Variants in NRXN3 observed in about 807,000 individuals in gnomAD.
NRXN3 encodes the protein neurexin III.
Under a neutral mutation model 137.6 loss-of-function variants are expected in NRXN3, and 32 were observed. That is an observed-to-expected ratio of 0.23 (90% CI 0.18 to 0.31). The LOEUF is 0.31. NRXN3 is among the 10% of genes least tolerant of loss of function. NRXN3 has a pLI of 1.00. For missense variants in NRXN3, 1,574 were observed against 2,062.5 expected, an observed-to-expected ratio of 0.76 and a Z score of 4.59; for synonymous variants, 798 against 784.5, an observed-to-expected ratio of 1.02 and a Z score of -0.29.
chr14:78,298,009 GT>G lies in NRXN3; in HGVS notation c.757+150del, dbSNP rs2076517140. On this transcript the variant is annotated intron_variant, in intron 4 of 20. Transcript: ENST00000335750. ...AGGCTGGCTGCAGGACCACCCTGCA[GT>G]GGGGGTGGGGGCACCTTCCTTGATG... The G allele has an allele frequency of 6.4e-6, 5 of 781,564 alleles. No homozygotes were observed. The South Asian group carries it at 9.2e-5, about 14-fold the overall frequency. The allele number at this position is 781,564 out of a possible 1,614,324, so 48.4% of individuals were successfully genotyped here.
chr14:79,533,432 C>T (rs1452608902), intron 16 of NRXN3, among the ~76,000 whole-genome samples: 3 of 152,072 alleles, frequency 2.0e-5, no homozygotes, highest in African/African-American at 4.8e-5. Flanking sequence ...TTTTGACTAC[C>T]GACAGTTATG....
rs189693692 is a variant in NRXN3 at position 79,087,715 on chromosome 14, A to T, written c.3262+99574A>T. 5.0e-4 allele frequency among the ~76,000 whole-genome samples: 76 copies of T among 152,216 alleles called. No individual in the cohort carries two copies. The East Asian group carries it at 0.013, about 27-fold the overall frequency. Reference sequence around the variant, plus strand: ...TACAGTTCCATTTAACCCAATCAAAACCAATGCTCCCCTTTCCCTCACATC... The same window carrying T: ...TACAGTTCCATTTAACCCAATCAAATCCAATGCTCCCCTTTCCCTCACATC... On this transcript the variant is annotated intron_variant, in intron 15 of 20. Coordinates refer to ENST00000335750, the MANE Select transcript of NRXN3 (RefSeq NM_001330195.2).
chr14:78,957,840 A>C (rs1399164124), intron 11 of NRXN3, among the ~76,000 whole-genome samples: 4 of 152,240 alleles, frequency 2.6e-5, no homozygotes, highest in Non-Finnish European at 5.9e-5. Flanking sequence ...GTTTGGTTTA[A>C]TTAATTACTT....
At chr14:78,900,375 A>G (rs2099191801) in intron 10 of NRXN3, among the ~76,000 whole-genome samples, 1 of 151,584 alleles carries the variant, frequency 6.6e-6, no homozygotes, top group South Asian at 2.1e-4. Context: ...GGTCCTGTTT[A>G]GGTCCTGTTT....
intron 8 of NRXN3, among the ~76,000 whole-genome samples, chr14:78,728,908 C>A (rs1260267041): frequency 2.0e-5 from 3 of 152,076 alleles, no homozygotes; most frequent in Non-Finnish European, 2.9e-5. Flanking sequence ...CAAAAACAAA[C>A]AAACAAACAA....
intron 15 of NRXN3, among the ~76,000 whole-genome samples, chr14:79,323,823 A>G (rs909052738): frequency 6.6e-6 from 1 of 152,180 alleles, no homozygotes; most frequent in Non-Finnish European, 1.5e-5. Context: ...GCGCCACTGC[A>G]CTACAGCCTG....
intron 19 of NRXN3, among the ~76,000 whole-genome samples, chr14:79,737,107 T>C (rs903521568): frequency 2.0e-5 from 3 of 152,262 alleles, no homozygotes. Context: ...CATATATTAT[T>C]CCTTTCCTCA....
chr14:79,042,302 A>G (rs12887604), intron 15 of NRXN3, among the ~76,000 whole-genome samples: 7,353 of 152,300 alleles, frequency 0.048, 652 homozygotes, highest in East Asian at 0.44. Flanking sequence ...AGCAGTAAAC[A>G]CGTTAAGCAA....
intron 10 of NRXN3, among the ~76,000 whole-genome samples, chr14:78,919,010 A>G (rs910234117): frequency 4.3e-4 from 65 of 152,344 alleles, no homozygotes; most frequent in African/African-American, 1.4e-3. Flanking sequence ...TTCCACCAAG[A>G]GAAAGCATGT....
At chr14:79,425,956 AAGAG>A (rs1224050174) in intron 15 of NRXN3, among the ~76,000 whole-genome samples, 5 of 152,068 alleles carry the variant, frequency 3.3e-5, no homozygotes, top group East Asian at 3.9e-4. Flanking sequence ...AATGGATAGA[AAGAG>A]AGAGCAGAGA....
rs146751969 is a variant in NRXN3 at position 78,268,468 on chromosome 14, A to C, written c.710-10177A>C. On this transcript the variant is annotated intron_variant, in intron 2 of 20. Coordinates refer to ENST00000335750, the MANE Select transcript of NRXN3 (RefSeq NM_001330195.2). ...ATGCACATTATACTCTAAAATACTT[A>C]ATGACCATCAGTTCCTTCCATACTT... Among the ~76,000 whole-genome samples, 301 of 152,266 alleles carry C rather than the reference A, an allele frequency of 2.0e-3. 1 individual carries two copies. The highest frequency in any genetic ancestry group is 7.1e-3 in the African/African-American group (293 of 41,544).
intron 4 of NRXN3, among the ~76,000 whole-genome samples, chr14:78,436,997 G>A (rs764392595): frequency 6.6e-6 from 1 of 152,192 alleles, no homozygotes; most frequent in Non-Finnish European, 1.5e-5. Flanking sequence ...CTATTTGTTA[G>A]TTCTGCAGCC....
intron 19 of NRXN3, among the ~76,000 whole-genome samples, chr14:79,733,743 T>C (rs747370172): frequency 2.7e-4 from 41 of 152,076 alleles, no homozygotes; most frequent in Admixed American, 1.8e-3. Context: ...GAAAAACCTG[T>C]AAGAGAAGAC....
chr14:79,433,864 T>C (rs1231146916), intron 15 of NRXN3, among the ~76,000 whole-genome samples: 1 of 152,216 alleles, frequency 6.6e-6, no homozygotes, highest in Non-Finnish European at 1.5e-5. Flanking sequence ...AATTATCACC[T>C]GGAGTGGTTC....
At chr14:79,357,816 C>T (rs1313999022) in intron 15 of NRXN3, among the ~76,000 whole-genome samples, 2 of 152,120 alleles carry the variant, frequency 1.3e-5, no homozygotes, top group Non-Finnish European at 2.9e-5. Flanking sequence ...AGAATTGACA[C>T]GTCATGTTTT....
At chr14:79,675,602 C>G (rs948815975) in intron 17 of NRXN3, among the ~76,000 whole-genome samples, 4 of 151,986 alleles carry the variant, frequency 2.6e-5, no homozygotes, top group African/African-American at 4.8e-5. Flanking sequence ...GGTTAAATCC[C>G]TAGAGAGACA....
intron 4 of NRXN3, among the ~76,000 whole-genome samples, chr14:78,548,250 A>ATAACCT (rs2096654624): frequency 1.6e-5 from 2 of 124,956 alleles, no homozygotes; most frequent in Non-Finnish European, 3.8e-5. Context: ...ATACTTTGAT[A>ATAACCT]AGCTATCTGG....
chr14:79,302,224 T>C (rs2153223920), intron 15 of NRXN3, among the ~76,000 whole-genome samples: 1 of 152,154 alleles, frequency 6.6e-6, no homozygotes, highest in South Asian at 2.1e-4. Flanking sequence ...ACAAGAATTA[T>C]TACAAGATAG....
intron 15 of NRXN3, among the ~76,000 whole-genome samples, chr14:79,268,192 T>A (rs1318005882): frequency 6.6e-6 from 1 of 151,938 alleles, no homozygotes; most frequent in Non-Finnish European, 1.5e-5. Context: ...AGATTTGTCA[T>A]TTTTTTTAGT....
Sources: gnomAD v4.1 joint callset for allele counts (sites outside exome capture counted in the v4.1 genomes callset) on GRCh38, gnomAD v4.1.1 for gene constraint, MANE v1.5 for transcripts, NCBI Gene and HGNC (gene_info 2026-07-23, HGNC 2026-07-21) for gene names.